Variants in PREX1 observed in about 807,000 individuals in gnomAD.
PREX1 encodes phosphatidylinositol 3,4,5-trisphosphate-dependent Rac exchanger 1 protein.
A neutral mutation model predicts 198.3 loss-of-function variants in PREX1; 41 were observed. That is an observed-to-expected ratio of 0.21 (90% CI 0.16 to 0.27). The LOEUF is 0.27. Among genes scored for constraint, PREX1 ranks in the 10% least tolerant of loss-of-function variants. The pLI is 1.00. For missense variants in PREX1, 1,620 were observed against 2,200.7 expected (o/e 0.74, Z 5.28); for synonymous variants, 843 against 887.2 (o/e 0.95, Z 0.89).
At chr20:48,695,111 T>C (rs376801971) in intron 7 of PREX1, among the ~76,000 whole-genome samples, 58 of 152,320 alleles carry the variant, frequency 3.8e-4, no homozygotes, top group African/African-American at 1.2e-3. Flanking sequence ...TGAACACACC[T>C]GTATCAACAT....
chr20:48,729,508 A>C (rs183374357), intron 4 of PREX1, among the ~76,000 whole-genome samples: 4 of 152,118 alleles, frequency 2.6e-5, no homozygotes, highest in Non-Finnish European at 5.9e-5. Flanking sequence ...AGGTATCTTA[A>C]GCCTCACACA....
rs1173427956 is a variant in PREX1 at position 48,641,824 on chromosome 20, A to AAGAG, written c.3775+340_3775+343dup. ...CAAGAAAGAAAGAAAGAAAGAAAGAAAGAGAGAGAGAGAGAGAGGAAGGAA... is the reference window on the plus strand; with the variant it reads ...CAAGAAAGAAAGAAAGAAAGAAAGAAAGAGAGAGAGAGAGAGAGAGAGGAAGGAA... On this transcript the variant is annotated intron_variant, in intron 29 of 39. Coordinates refer to ENST00000371941, the MANE Select transcript of PREX1 (RefSeq NM_020820.4). Among the ~76,000 whole-genome samples the AAGAG allele has an allele frequency of 1.2e-3, 140 of 114,934 alleles. 1 individual carries two copies. Among genetic ancestry groups the AAGAG allele is most frequent in the African/African-American group, 4.7e-3 (120 of 25,760 alleles). 75.4% of individuals were successfully genotyped at this position (114,934 alleles called of 152,430 possible). A position where few individuals can be genotyped will look rare whatever the true frequency, so the allele number is the denominator to read the frequency against.
the PREX1 span, among the ~76,000 whole-genome samples, chr20:48,879,857 TC>T: frequency 8.9e-4 from 135 of 152,378 alleles, no homozygotes; most frequent in African/African-American, 3.0e-3. Flanking sequence ...TATTTCTACA[TC>T]ATGGTCATAT....
At chr20:48,639,994 A>G in intron 29 of PREX1, 100 bp from the exon 30 acceptor site, 1 of 1,440,338 alleles carries the variant, frequency 6.9e-7, no homozygotes, top group Non-Finnish European at 9.5e-7. Flanking sequence ...CCCAGAGCTC[A>G]TAATCCTAGA....
At position 48,688,794 on chromosome 20, in the gene PREX1, C is replaced by T; in HGVS notation, c.1197G>A (p.Leu399=). The change falls in exon 10 of 40, where the codon CTG becomes CTA. Residue 399 remains leucine (L), a synonymous_variant. Coordinates refer to ENST00000371941, the MANE Select transcript of PREX1 (RefSeq NM_020820.4). ...REREQRESLK[L]GMERDAYVMI... ...TGACGTAGGCATCACGCTCCATGCC[C>T]AGCTTCAGGCCTACACAGGGGCACG... is the stretch of plus-strand genomic sequence containing the variant. The T allele has an allele frequency of 6.2e-7, 1 of 1,614,104 alleles. No homozygotes were observed. Among genetic ancestry groups the T allele is most frequent in the Non-Finnish European group, 8.5e-7 (1 of 1,180,010 alleles).
chr20:48,659,667 C>T (rs377112951), intron 16 of PREX1, among the ~76,000 whole-genome samples: 71 of 150,088 alleles, frequency 4.7e-4, no homozygotes, highest in East Asian at 4.2e-3. Flanking sequence ...ATACAGTGTA[C>T]GGGGAGGGGA....
chr20:48,690,339 G>A (rs1165872952), intron 9 of PREX1, among the ~76,000 whole-genome samples: 2 of 152,158 alleles, frequency 1.3e-5, no homozygotes, highest in East Asian at 3.9e-4. Flanking sequence ...GCAGGAACTT[G>A]GATCCCCATT....
intron 12 of PREX1, 55 bp from the exon 13 acceptor site, chr20:48,679,464 C>T: frequency 6.4e-7 from 1 of 1,564,204 alleles, no homozygotes; most frequent in Non-Finnish European, 8.8e-7. Flanking sequence ...TCACGAGCCT[C>T]CAAATCCAGG....
chr20:48,677,596 G>A (rs2089718582), intron 13 of PREX1, among the ~76,000 whole-genome samples: 1 of 152,184 alleles, frequency 6.6e-6, no homozygotes, highest in African/African-American at 2.4e-5. Context: ...AGAAACAGAA[G>A]CAAAAGAAGT....
the PREX1 span, among the ~76,000 whole-genome samples, chr20:48,844,333 A>G: frequency 3.9e-5 from 6 of 152,162 alleles, no homozygotes; most frequent in East Asian, 1.2e-3. Context: ...CTCAGACTCT[A>G]TCTTCTACAC....
the PREX1 span, among the ~76,000 whole-genome samples, chr20:48,837,699 G>GA: frequency 6.6e-6 from 1 of 152,036 alleles, no homozygotes; most frequent in African/African-American, 2.4e-5. Context: ...GAGAGGAGCA[G>GA]AAAAAATAAC....
At chr20:48,883,911 T>C in the PREX1 span, among the ~76,000 whole-genome samples, 16 of 152,054 alleles carry the variant, frequency 1.1e-4, 1 homozygote, top group South Asian at 2.3e-3. Context: ...GGGGCTGAGG[T>C]GGGCAGATCA....
At chr20:48,816,816 C>A (rs1028947337) in intron 1 of PREX1, among the ~76,000 whole-genome samples, 2 of 148,956 alleles carry the variant, frequency 1.3e-5, no homozygotes, top group African/African-American at 4.8e-5. Context: ...GGGTCAACAC[C>A]CTGATGGCAG....
the PREX1 span, among the ~76,000 whole-genome samples, chr20:48,833,504 C>T: frequency 2.0e-5 from 3 of 150,030 alleles, no homozygotes; most frequent in Non-Finnish European, 4.4e-5. Context: ...TGCAATGCCG[C>T]GATCTCGGCT....
chr20:48,673,254 T>A (rs955859753), intron 14 of PREX1, among the ~76,000 whole-genome samples: 1 of 152,208 alleles, frequency 6.6e-6, no homozygotes, highest in Admixed American at 6.5e-5. Context: ...CCATACATTC[T>A]TGCCCATCTT....
At chr20:48,744,322 C>T (rs1353010379) in intron 3 of PREX1, among the ~76,000 whole-genome samples, 1 of 152,156 alleles carries the variant, frequency 6.6e-6, no homozygotes, top group African/African-American at 2.4e-5. Flanking sequence ...GGCCATCAAC[C>T]TTAGGAGGTA....
intron 19 of PREX1, among the ~76,000 whole-genome samples, chr20:48,653,740 C>T (rs544313754): frequency 6.6e-6 from 1 of 152,202 alleles, no homozygotes; most frequent in African/African-American, 2.4e-5. Flanking sequence ...GCAAGGCAAA[C>T]GGGATCCGAT....
chr20:48,757,160 G>A (rs1015185387), intron 1 of PREX1, among the ~76,000 whole-genome samples: 1 of 152,016 alleles, frequency 6.6e-6, no homozygotes, highest in Non-Finnish European at 1.5e-5. Flanking sequence ...TTCTTCTGAG[G>A]CCTTCCCCGA....
intron 1 of PREX1, among the ~76,000 whole-genome samples, chr20:48,804,600 C>T (rs1231938318): frequency 6.6e-6 from 1 of 152,132 alleles, no homozygotes; most frequent in East Asian, 1.9e-4. Context: ...AGCGGGGGCT[C>T]AGATAGGACG....
Sources: allele counts gnomAD v4.1 joint callset (sites outside exome capture counted in the v4.1 genomes callset), GRCh38; gene constraint gnomAD v4.1.1; transcripts MANE v1.5; gene names NCBI Gene and HGNC (gene_info 2026-07-23, HGNC 2026-07-21).